MEI1: variants seen among roughly 807,000 people sequenced by gnomAD.
The protein encoded by MEI1 is meiotic double-stranded break formation protein 1.
A neutral mutation model predicts 146.2 loss-of-function variants in MEI1; 103 were observed. That is an observed-to-expected ratio of 0.70 (90% CI 0.60 to 0.83). MEI1 has a LOEUF of 0.83. MEI1 is among the 40% of genes least tolerant of loss of function. The pLI, the probability that MEI1 is intolerant of heterozygous loss-of-function variation, is 0.00. For missense variants in MEI1, 1,529 were observed against 1,533.0 expected (o/e 1.00, Z 0.04); for synonymous variants, 652 against 628.2 (o/e 1.04, Z -0.57).
chr22:41,708,404 C>CTT (rs776286203), intron 3 of MEI1, among the ~76,000 whole-genome samples: 2 of 142,350 alleles, frequency 1.4e-5, no homozygotes, highest in Admixed American at 7.1e-5. Context: ...AGGTCTGAAT[C>CTT]TTTTTTTTTT....
intron 9 of MEI1, 47 bp downstream of exon 9, chr22:41,730,684 G>A (rs970512681): frequency 3.1e-6 from 4 of 1,291,444 alleles, no homozygotes; most frequent in Non-Finnish European, 3.4e-6. Flanking sequence ...GTGGACGGCA[G>A]TTTGCACTTG....
chr22:41,723,301 C>T (rs1312906013), intron 6 of MEI1, among the ~76,000 whole-genome samples: 1 of 151,916 alleles, frequency 6.6e-6, no homozygotes. Context: ...CAACCTGTGT[C>T]TGCTGGGTTC....
chr22:41,756,766 G>A (rs2074116663), intron 17 of MEI1, among the ~76,000 whole-genome samples: 1 of 152,184 alleles, frequency 6.6e-6, no homozygotes. Context: ...GAGCCACCAC[G>A]CCTATCCTTC....
At chr22:41,775,841 G>A (rs576202621) in intron 20 of MEI1, among the ~76,000 whole-genome samples, 15 of 152,138 alleles carry the variant, frequency 9.9e-5, no homozygotes, top group Admixed American at 2.6e-4. Context: ...TGATCCACCC[G>A]CCTTGGCCTC....
intron 26 of MEI1, among the ~76,000 whole-genome samples, chr22:41,787,921 G>A (rs956421028): frequency 7.9e-5 from 12 of 152,176 alleles, no homozygotes; most frequent in Admixed American, 7.9e-4. Context: ...TCCAAAATCC[G>A]AAATGCCCAA....
chr22:41,714,108 C>T (rs1341609559), intron 4 of MEI1, 33 bp downstream of exon 4: 1 of 1,547,312 alleles, frequency 6.5e-7, no homozygotes, highest in Admixed American at 1.9e-5. Flanking sequence ...TTGAGTCTCT[C>T]AGAATCCTCA....
intron 24 of MEI1, among the ~76,000 whole-genome samples, 183 bp downstream of exon 24, chr22:41,782,028 G>A (rs919361083): frequency 6.6e-6 from 1 of 152,136 alleles, no homozygotes; most frequent in African/African-American, 2.4e-5. Context: ...ATTGTTGTGA[G>A]GTTGTTTCAT....
Position 41,784,691 on chromosome 22 carries a change from C to T in MEI1, c.3253C>T (p.Pro1085Ser). The T allele has an allele frequency of 6.2e-7, 1 of 1,613,682 alleles. No homozygotes were observed. The highest frequency in any genetic ancestry group is 8.5e-7 in the Non-Finnish European group (1 of 1,179,800). Reference protein sequence around the residue: ...LVALVPSGAQPLPATKDTVLA... With the variant: ...LVALVPSGAQSLPATKDTVLA... ...AGCCCTGGTGCCCTCAGGGGCCCAG[C>T]CACTGCCAGCCACCAAGGACACTGT... is the stretch of plus-strand genomic sequence containing the variant. Residue 1085 changes from proline to serine, a missense_variant, in exon 26 of 31, where the codon CCA becomes TCA. Physicochemically the swap from Pro to Ser is moderately conservative, Grantham distance 74 (BLOSUM62 -1). This residue lies in a region of MEI1 where 313 missense variants were observed against 337.3 expected (regional missense o/e 0.93). Coordinates refer to ENST00000401548, the MANE Select transcript of MEI1 (RefSeq NM_152513.4).
intron 11 of MEI1, among the ~76,000 whole-genome samples, chr22:41,738,711 G>T (rs2072597107): frequency 1.3e-5 from 2 of 151,574 alleles, no homozygotes. Flanking sequence ...GTTGGAGGTT[G>T]CAGTAAGCCA....
chr22:41,758,282 C>G, intron 17 of MEI1, 83 bp from the exon 18 acceptor site: 1 of 1,349,076 alleles, frequency 7.4e-7, no homozygotes. Context: ...GTGCAGTACT[C>G]TGCATGTAGT....
At chr22:41,703,887 G>A (rs1031603540) in intron 2 of MEI1, among the ~76,000 whole-genome samples, 2 of 152,206 alleles carry the variant, frequency 1.3e-5, no homozygotes, top group Non-Finnish European at 2.9e-5. Context: ...TTGGGAGGCC[G>A]AGGCATGAGA....
intron 6 of MEI1, among the ~76,000 whole-genome samples, chr22:41,719,763 A>T (rs533841371): frequency 1.3e-5 from 2 of 152,016 alleles, no homozygotes; most frequent in South Asian, 2.1e-4. Context: ...CTCTCCTGCT[A>T]TTTTTTTACA....
intron 30 of MEI1, among the ~76,000 whole-genome samples, chr22:41,798,127 ACACACACACACAC>A: frequency 3.8e-5 from 1 of 26,078 alleles, no homozygotes; most frequent in South Asian, 1.2e-3. Context: ...ACACACACAC[ACACACACACACAC>A]ACACACACAC....
chr22:41,754,186 C>T, intron 17 of MEI1, 140 bp downstream of exon 17: 1 of 637,590 alleles, frequency 1.6e-6, no homozygotes, highest in Non-Finnish European at 2.8e-6. Context: ...CGGAGTGATG[C>T]AATTATAGGT....
At chr22:41,763,131 T>C in intron 18 of MEI1, 43 bp from the exon 19 acceptor site, 1 of 1,604,916 alleles carries the variant, frequency 6.2e-7, no homozygotes, top group Non-Finnish European at 8.5e-7. Flanking sequence ...CCCAGTGGCC[T>C]GCCAACTCTG....
At chr22:41,766,196 CAG>C (rs997781480) in intron 19 of MEI1, among the ~76,000 whole-genome samples, 18 of 141,054 alleles carry the variant, frequency 1.3e-4, no homozygotes, top group Non-Finnish European at 6.1e-5. Context: ...TTTTTTGAGA[CAG>C]AGTTTTGCTC....
chr22:41,754,172 G>A, intron 17 of MEI1, 126 bp downstream of exon 17: 1 of 670,502 alleles, frequency 1.5e-6, no homozygotes, highest in East Asian at 2.7e-5. Flanking sequence ...CTGCCCAGAG[G>A]AATCGGAGTG....
chr22:41,753,704 C>G (rs2073921529), intron 16 of MEI1: 1 of 377,772 alleles, frequency 2.6e-6, no homozygotes, highest in East Asian at 5.6e-5. Context: ...GTCTAGAACT[C>G]CTGACCTCAG....
intron 2 of MEI1, among the ~76,000 whole-genome samples, chr22:41,705,039 C>A (rs936814541): frequency 1.3e-5 from 2 of 152,014 alleles, no homozygotes; most frequent in African/African-American, 2.4e-5. Flanking sequence ...AAAGCCTGGG[C>A]AGGTCATCGA....
Sources: allele counts gnomAD v4.1 joint callset (sites outside exome capture counted in the v4.1 genomes callset), GRCh38; gene constraint gnomAD v4.1.1; regional missense constraint gnomAD v4.1.1; transcripts MANE v1.5; gene names NCBI Gene and HGNC (gene_info 2026-07-23, HGNC 2026-07-21).